The following RANBP2 variants were observed in gnomAD, a reference collection of about 807,000 sequenced individuals.
RANBP2 encodes RAN binding protein 2.
In RANBP2, 57 loss-of-function variants were observed where a neutral mutation model predicts 303.6. The ratio of observed to expected loss-of-function variants is 0.19; its 90% confidence interval spans 0.15 to 0.23. The LOEUF (loss-of-function observed/expected upper bound fraction) is 0.23. Ranked by LOEUF, RANBP2 falls within the 10% of genes least tolerant of loss-of-function variation. RANBP2 has a pLI of 1.00. For synonymous variants in RANBP2, 1,167 were observed against 1,301.5 expected, an observed-to-expected ratio of 0.90 and a Z score of 2.23; for missense variants, 3,138 against 3,780.8, an observed-to-expected ratio of 0.83 and a Z score of 4.46.
At chr2:108,873,417 C>A in the RANBP2 span, 1 of 1,516,142 alleles carries the variant, frequency 6.6e-7, no homozygotes, top group Non-Finnish European at 8.8e-7. Context: ...TTCGCTACTC[C>A]CTAATAGTAA....
At chr2:109,668,416 T>C in the RANBP2 span, among the ~76,000 whole-genome samples, 29 of 152,238 alleles carry the variant, frequency 1.9e-4, no homozygotes, top group Non-Finnish European at 2.8e-4. Flanking sequence ...AAAGCATATA[T>C]ACTTGGGAAG....
chr2:109,694,026 C>G, the RANBP2 span, among the ~76,000 whole-genome samples: 1 of 152,076 alleles, frequency 6.6e-6, no homozygotes, highest in African/African-American at 2.4e-5. Context: ...TGTGTGTGTG[C>G]ATGTGTGTGT....
the RANBP2 span, among the ~76,000 whole-genome samples, chr2:109,392,569 C>T: frequency 2.6e-5 from 4 of 152,032 alleles, no homozygotes; most frequent in African/African-American, 7.2e-5. Flanking sequence ...AGTGCAGTGG[C>T]GTGATCTTGG....
the RANBP2 span, among the ~76,000 whole-genome samples, chr2:109,531,244 G>A: frequency 6.6e-6 from 1 of 152,220 alleles, no homozygotes; most frequent in East Asian, 1.9e-4. Flanking sequence ...GCACAATTCT[G>A]ACACTTGGTT....
At chr2:109,422,541 G>T in the RANBP2 span, among the ~76,000 whole-genome samples, 1 of 152,194 alleles carries the variant, frequency 6.6e-6, no homozygotes, top group Non-Finnish European at 1.5e-5. Flanking sequence ...CTCACCCAGT[G>T]CATGGAGGCG....
the RANBP2 span, chr2:109,129,632 G>C: frequency 2.5e-5 from 37 of 1,493,276 alleles, no homozygotes; most frequent in Middle Eastern, 2.2e-4. Flanking sequence ...GGCGAGCGAC[G>C]GCGGCGTCGG....
At chr2:109,412,210 C>T in the RANBP2 span, among the ~76,000 whole-genome samples, 3 of 152,270 alleles carry the variant, frequency 2.0e-5, no homozygotes, top group East Asian at 5.8e-4. Context: ...TAGCCTTCAG[C>T]CTCTGCCCAG....
the RANBP2 span, among the ~76,000 whole-genome samples, chr2:109,645,982 G>C: frequency 1.3e-5 from 2 of 152,164 alleles, no homozygotes; most frequent in East Asian, 1.9e-4. Context: ...ACAGACACCA[G>C]GGAGAACTCA....
Position 108,720,256 on chromosome 2 carries a change from T to C in RANBP2, c.72+578T>C. The C allele has an allele frequency of 6.6e-6, 6 of 904,338 alleles. 1 individual carries two copies. Among genetic ancestry groups the C allele is most frequent in the Non-Finnish European group, 7.9e-6 (6 of 764,194 alleles). 56.0% of individuals were successfully genotyped at this position (904,338 alleles called of 1,614,324 possible). On this transcript the variant is annotated intron_variant, in intron 1 of 28. Transcript: ENST00000283195. Reference sequence around the variant, plus strand: ...TCCCCTTGTTTTGAGTATGAGGTGTTTGTCGCTGTCCCTTTGTAAGGGTCC... The same window carrying C: ...TCCCCTTGTTTTGAGTATGAGGTGTCTGTCGCTGTCCCTTTGTAAGGGTCC...
chr2:109,484,626 T>C, the RANBP2 span, among the ~76,000 whole-genome samples: 1 of 152,172 alleles, frequency 6.6e-6, no homozygotes, highest in Non-Finnish European at 1.5e-5. Context: ...AGTACCATTG[T>C]TTCAAAACAA....
At chr2:109,718,474 A>T in the RANBP2 span, among the ~76,000 whole-genome samples, 2 of 152,230 alleles carry the variant, frequency 1.3e-5, no homozygotes, top group African/African-American at 4.8e-5. Flanking sequence ...AAAAGACCAT[A>T]TATTATAGGA....
chr2:109,592,711 C>G, the RANBP2 span, among the ~76,000 whole-genome samples: 1 of 150,032 alleles, frequency 6.7e-6, no homozygotes, highest in African/African-American at 2.5e-5. Context: ...ACCCGGGAGG[C>G]AGAGGTTGCA....
At chr2:109,597,436 G>A in the RANBP2 span, among the ~76,000 whole-genome samples, 24 of 152,286 alleles carry the variant, frequency 1.6e-4, no homozygotes, top group East Asian at 4.2e-3. Context: ...GCTAGGCTCC[G>A]CAGTCTCAAC....
the RANBP2 span, among the ~76,000 whole-genome samples, chr2:109,003,900 C>A: frequency 6.6e-6 from 1 of 152,130 alleles, no homozygotes; most frequent in Non-Finnish European, 1.5e-5. Context: ...GGTTTGCCTG[C>A]ACTGGAATGG....
At chr2:108,821,916 G>A in the RANBP2 span, among the ~76,000 whole-genome samples, 11 of 114,474 alleles carry the variant, frequency 9.6e-5, no homozygotes, top group East Asian at 2.2e-3. Flanking sequence ...CAACAAGAGC[G>A]AAACTTTGTC....
chr2:109,089,154 G>C, the RANBP2 span, among the ~76,000 whole-genome samples: 1 of 152,134 alleles, frequency 6.6e-6, no homozygotes, highest in Non-Finnish European at 1.5e-5. Flanking sequence ...CGCTTCCTTC[G>C]GGAGAGCCAG....
the RANBP2 span, among the ~76,000 whole-genome samples, chr2:109,006,294 A>G: frequency 2.0e-5 from 3 of 151,902 alleles, no homozygotes; most frequent in Non-Finnish European, 4.4e-5. Context: ...CCTGGATTCA[A>G]GCAATTCTCC....
the RANBP2 span, among the ~76,000 whole-genome samples, chr2:109,132,022 AGTTG>A: frequency 3.3e-5 from 5 of 152,210 alleles, no homozygotes; most frequent in African/African-American, 1.2e-4. Context: ...AACCCTATAC[AGTTG>A]GTTGACAAAG....
the RANBP2 span, among the ~76,000 whole-genome samples, chr2:108,969,447 G>T: frequency 1.9e-4 from 29 of 152,282 alleles, no homozygotes; most frequent in Admixed American, 1.7e-3. Flanking sequence ...AAATGTTTAT[G>T]GGGCCAGACA....
Sources: allele counts gnomAD v4.1 joint callset (sites outside exome capture counted in the v4.1 genomes callset), GRCh38; gene constraint gnomAD v4.1.1; transcripts MANE v1.5; gene names NCBI Gene and HGNC (gene_info 2026-07-23, HGNC 2026-07-21).